Variants in VAX2 observed in about 807,000 individuals in gnomAD.
The protein encoded by VAX2 is ventral anterior homeobox 2.
Under a neutral mutation model 12.5 loss-of-function variants are expected in VAX2, and 8 were observed. The ratio of observed to expected loss-of-function variants is 0.64; its 90% CI spans 0.37 to 1.15. The LOEUF (loss-of-function observed/expected upper bound fraction) is 1.15. Ranked by LOEUF, VAX2 falls within the 50% of genes most tolerant of loss-of-function variation. The pLI is 0.01. For synonymous variants in VAX2, 183 were observed against 187.6 expected, an observed-to-expected ratio of 0.98 and a Z score of 0.20; for missense variants, 476 against 412.9, an observed-to-expected ratio of 1.15 and a Z score of -1.32.
At chr2:70,908,669 G>T (rs1437313774) in intron 1 of VAX2, among the ~76,000 whole-genome samples, 12 of 152,298 alleles carry the variant, frequency 7.9e-5, no homozygotes, top group African/African-American at 2.6e-4. Context: ...ATCTGTCAGA[G>T]AAGTTCCTAA....
intron 1 of VAX2, among the ~76,000 whole-genome samples, chr2:70,914,624 T>C (rs2104768523): frequency 6.6e-6 from 1 of 152,276 alleles, no homozygotes; most frequent in African/African-American, 2.4e-5. Flanking sequence ...CACTTGTTAA[T>C]GTCCTTTCAA....
intron 2 of VAX2, among the ~76,000 whole-genome samples, chr2:70,921,729 CCCT>C (rs1431421053): frequency 1.3e-5 from 2 of 152,072 alleles, no homozygotes; most frequent in Non-Finnish European, 2.9e-5. Context: ...CCCTTTCCCA[CCCT>C]CCATCACCTT....
At chr2:70,930,424 A>G (rs1038735121) in intron 2 of VAX2, among the ~76,000 whole-genome samples, 9 of 151,806 alleles carry the variant, frequency 5.9e-5, no homozygotes, top group Non-Finnish European at 1.0e-4. Flanking sequence ...ACCCCTGCCC[A>G]CTCTTTACCT....
chr2:70,920,521 C>T (rs550445869), intron 1 of VAX2, among the ~76,000 whole-genome samples: 6 of 152,188 alleles, frequency 3.9e-5, no homozygotes, highest in Non-Finnish European at 7.4e-5. Context: ...TCCTTGGGCT[C>T]CTCCTAGGGA....
intron 2 of VAX2, among the ~76,000 whole-genome samples, chr2:70,923,133 TG>T (rs1327689902): frequency 2.0e-5 from 3 of 152,156 alleles, no homozygotes; most frequent in Non-Finnish European, 4.4e-5. Flanking sequence ...CTCCTCGTCG[TG>T]CTTCACAAGG....
intron 2 of VAX2, among the ~76,000 whole-genome samples, chr2:70,930,532 G>A (rs1023670994): frequency 2.0e-5 from 3 of 152,194 alleles, no homozygotes; most frequent in East Asian, 3.8e-4. Context: ...ACGACAGGGG[G>A]TGGCTTCAAG....
At chr2:70,911,553 T>C (rs1206758743) in intron 1 of VAX2, among the ~76,000 whole-genome samples, 1 of 152,218 alleles carries the variant, frequency 6.6e-6, no homozygotes, top group Non-Finnish European at 1.5e-5. Flanking sequence ...TTTATGTTCT[T>C]ATTGAGAGAG....
At chr2:70,922,876 G>A (rs1166191410) in intron 2 of VAX2, among the ~76,000 whole-genome samples, 2 of 152,170 alleles carry the variant, frequency 1.3e-5, no homozygotes, top group Non-Finnish European at 2.9e-5. Context: ...AACTCCTGGG[G>A]AAGTCACTGA....
At position 70,900,578 on chromosome 2, in the gene VAX2, CGTAGGCTGG is replaced by C; in HGVS notation, c.-43_-35del. 1 of 1,236,966 alleles carries C rather than the reference CGTAGGCTGG, an allele frequency of 8.1e-7. No homozygotes were observed. The highest frequency in any genetic ancestry group is 3.2e-5 in the East Asian group (1 of 31,496). 76.6% of individuals were successfully genotyped at this position (1,236,966 alleles called of 1,614,324 possible). A position where few individuals can be genotyped will look rare whatever the true frequency, so the allele number is the denominator to read the frequency against. ...GGCGGGGAGCGGCGCTCCCGGCCAG[CGTAGGCTGG>C]CTCCGCCGTAGAGGGGTTGGCAGTG... is the stretch of plus-strand genomic sequence containing the variant. On this transcript the variant is annotated 5_prime_UTR_variant, in exon 1 of 3. Coordinates refer to ENST00000234392, the MANE Select transcript of VAX2 (RefSeq NM_012476.3).
In VAX2 at chr2:70,920,653, A is replaced by G. The variant is rs1679437319; in HGVS notation, c.248-445A>G. On this transcript the variant is annotated intron_variant, in intron 1 of 2. Coordinates refer to ENST00000234392, the MANE Select transcript of VAX2 (RefSeq NM_012476.3). ...CATGCATGCATGCACAGACACACAC[A>G]CACACACACACACACGCACAGCTTA... 2.0e-5 allele frequency among the ~76,000 whole-genome samples: 3 copies of G among 151,976 alleles called. No individual in the cohort carries two copies. The South Asian group carries it at 6.3e-4, about 32-fold the overall frequency.
intron 1 of VAX2, among the ~76,000 whole-genome samples, chr2:70,912,933 A>C (rs1422875821): frequency 2.1e-5 from 3 of 146,060 alleles, no homozygotes; most frequent in Non-Finnish European, 2.9e-5. Flanking sequence ...AAAATGCAGG[A>C]CTCATTTCAT....
chr2:70,929,485 G>A lies in VAX2; in HGVS notation c.436-3282G>A, dbSNP rs559510629. 7.1e-3 allele frequency among the ~76,000 whole-genome samples: 481 copies of A among 67,796 alleles called. 1 individual carries two copies. Among genetic ancestry groups the A allele is most frequent in the African/African-American group, 0.025 (416 of 16,510 alleles). 44.5% of individuals were successfully genotyped at this position (67,796 alleles called of 152,430 possible). ...GGGCAGATCACGAGGTCAGGAGTTCGAGACCAGCCTGGCCAACATGGTGAA... is the reference window on the plus strand; with the variant it reads ...GGGCAGATCACGAGGTCAGGAGTTCAAGACCAGCCTGGCCAACATGGTGAA... On this transcript the variant is annotated intron_variant, in intron 2 of 2. Coordinates refer to ENST00000234392, the MANE Select transcript of VAX2 (RefSeq NM_012476.3).
At chr2:70,914,547 T>C (rs1177780965) in intron 1 of VAX2, among the ~76,000 whole-genome samples, 1 of 152,196 alleles carries the variant, frequency 6.6e-6, no homozygotes, top group African/African-American at 2.4e-5. Context: ...GTTCTATTAA[T>C]AGCGTATAGG....
chr2:70,908,265 A>G (rs2104761701), intron 1 of VAX2, among the ~76,000 whole-genome samples: 1 of 152,316 alleles, frequency 6.6e-6, no homozygotes, highest in Non-Finnish European at 1.5e-5. Context: ...AGCTGGACTC[A>G]AGTGCTCACA....
intron 2 of VAX2, among the ~76,000 whole-genome samples, chr2:70,928,276 AATGCTGGG>A (rs1679617059): frequency 6.6e-6 from 1 of 152,202 alleles, no homozygotes; most frequent in Non-Finnish European, 1.5e-5. Flanking sequence ...TGAAGTTTGC[AATGCTGGG>A]AAGCACATTA....
intron 1 of VAX2, among the ~76,000 whole-genome samples, chr2:70,916,982 C>A (rs1432011638): frequency 6.6e-6 from 1 of 151,970 alleles, no homozygotes; most frequent in Non-Finnish European, 1.5e-5. Context: ...AAAACCCCAT[C>A]TCTACTAAAA....
intron 2 of VAX2, among the ~76,000 whole-genome samples, chr2:70,931,376 T>C (rs1679690632): frequency 6.6e-6 from 1 of 152,204 alleles, no homozygotes; most frequent in African/African-American, 2.4e-5. Flanking sequence ...TCACACTTGG[T>C]GTCACATTGA....
chr2:70,904,029 T>C lies in VAX2; in HGVS notation c.247+3161T>C, dbSNP rs3771401. ...CTGCCTCAAAATGAAGACTCCTACATGTCACACATGGGCACGGACCAGAGC... is the reference window on the plus strand; with the variant it reads ...CTGCCTCAAAATGAAGACTCCTACACGTCACACATGGGCACGGACCAGAGC... On this transcript the variant is annotated intron_variant, in intron 1 of 2. Transcript: ENST00000234392. This position sits in a 1 kb window ranked among gnomAD's most constrained non-coding sequence, Gnocchi z 4.2. Among the ~76,000 whole-genome samples, 18,795 of 152,130 alleles carry C rather than the reference T, an allele frequency of 0.12. 1,301 individuals are homozygous for C. Among genetic ancestry groups the C allele is most frequent in the Admixed American group, 0.2 (3,028 of 15,286 alleles).
chr2:70,903,576 C>T (rs1182722410), intron 1 of VAX2, among the ~76,000 whole-genome samples: 1 of 152,152 alleles, frequency 6.6e-6, no homozygotes, highest in African/African-American at 2.4e-5. Context: ...TGCTTGTTTC[C>T]TTATCTTACA....
Sources: allele counts gnomAD v4.1 joint callset (sites outside exome capture counted in the v4.1 genomes callset), GRCh38; gene constraint gnomAD v4.1.1; non-coding constraint Gnocchi (gnomAD v3.1); transcripts MANE v1.5; gene names NCBI Gene and HGNC (gene_info 2026-07-23, HGNC 2026-07-21).